AKT2: variants seen among roughly 807,000 people sequenced by gnomAD.
AKT2 encodes AKT serine/threonine kinase 2.
AKT2 carries 16 observed loss-of-function variants against 58.6 expected under a neutral mutation model. That is an observed-to-expected ratio of 0.27 (90% CI 0.18 to 0.41). AKT2 has a LOEUF of 0.41. Among genes scored for constraint, AKT2 ranks in the 10% least tolerant of loss-of-function variants. The pLI, the probability that AKT2 is intolerant of heterozygous loss-of-function variation, is 1.00. For synonymous variants in AKT2, 253 were observed against 254.0 expected, an observed-to-expected ratio of 1.00 and a Z score of 0.04; for missense variants, 438 against 661.0, an observed-to-expected ratio of 0.66 and a Z score of 3.70.
rs887224848 is a variant in AKT2, at chr19:40,231,346, A to C, written c.*2526T>G. 3 of 232,894 alleles carry C rather than the reference A, an allele frequency of 1.3e-5. No individual in the cohort carries two copies. The highest frequency in any genetic ancestry group is 2.5e-5 in the Non-Finnish European group (3 of 117,898). 14.4% of individuals were successfully genotyped at this position (232,894 alleles called of 1,614,324 possible). A position where few individuals can be genotyped will look rare whatever the true frequency, so the allele number is the denominator to read the frequency against. ...ACTCGGGGCTGGGACGAGATGGAAGAGTAAAAGGCCTTTCTTCATAGGCCT... is the reference window on the plus strand; with the variant it reads ...ACTCGGGGCTGGGACGAGATGGAAGCGTAAAAGGCCTTTCTTCATAGGCCT... On this transcript the variant is annotated 3_prime_UTR_variant, in exon 14 of 14. Coordinates refer to ENST00000392038, the MANE Select transcript of AKT2 (RefSeq NM_001626.6).
Position 40,242,257 on chromosome 19 carries a change from A to G in AKT2, c.442-188T>C. 1.1e-6 allele frequency: 1 copy of G among 943,034 alleles called. No individual in the cohort carries two copies. The highest frequency in any genetic ancestry group is 1.6e-6 in the Non-Finnish European group (1 of 618,182). 58.4% of individuals were successfully genotyped at this position (943,034 alleles called of 1,614,324 possible). On this transcript the variant is annotated intron_variant, in intron 5 of 13. Coordinates refer to ENST00000392038, the MANE Select transcript of AKT2 (RefSeq NM_001626.6). This position sits in a 1 kb window ranked among gnomAD's most constrained non-coding sequence, Gnocchi z 4.3. The stretch of plus-strand genomic sequence containing the variant: ...CCTTCAGACCAGGCTCTGCAGGCAC[A>G]GGGCCTTGGGAGGGCTGGGCTCTGA...
chr19:40,236,423 C>T, intron 9 of AKT2, 38 bp from the exon 10 acceptor site: 1 of 1,613,534 alleles, frequency 6.2e-7, no homozygotes, highest in Non-Finnish European at 8.5e-7. Context: ...TGCATGCTCC[C>T]AAGGCTTCCT....
At chr19:40,272,110 C>T (rs1314810248) in intron 1 of AKT2, among the ~76,000 whole-genome samples, 1 of 152,258 alleles carries the variant, frequency 6.6e-6, no homozygotes, top group Non-Finnish European at 1.5e-5. Context: ...CACTTTGAGG[C>T]AGACACTCCT....
Position 40,255,223 on chromosome 19 carries a change from G to A in AKT2, c.222C>T (p.Val74=). ...CTGTGGTCCACTGCAGGCAGCGTAT[G>A]ACAAAGGTGTTGGGTCGCGGCCTCT... is the stretch of plus-strand genomic sequence containing the variant. ...KTERPRPNTF[V]IRCLQWTTVI... The change falls in exon 4 of 14, where the codon GTC becomes GTT. Residue 74 remains valine (V), a synonymous_variant. Transcript: ENST00000392038. 6.2e-7 allele frequency: 1 copy of A among 1,614,154 alleles called. No individual in the cohort carries two copies. Among genetic ancestry groups the A allele is most frequent in the Non-Finnish European group, 8.5e-7 (1 of 1,179,980 alleles).
intron 3 of AKT2, among the ~76,000 whole-genome samples, chr19:40,256,336 G>A (rs543016634): frequency 6.6e-6 from 1 of 152,288 alleles, no homozygotes; most frequent in South Asian, 2.1e-4. Context: ...AATGTTCTTA[G>A]CAGGCAGAAC....
intron 4 of AKT2, among the ~76,000 whole-genome samples, chr19:40,250,565 T>C (rs1473069499): frequency 2.6e-5 from 4 of 151,550 alleles, no homozygotes; most frequent in South Asian, 2.1e-4. Flanking sequence ...CAGTGGCTCA[T>C]GGCTGTAATC....
rs780894376 is a variant in AKT2 at position 40,238,946 on chromosome 19, C to T, written c.667G>A (p.Asp223Asn). ...TACTCCATCACAAAGCACAGGCGGT[C>T]GTGGGTCTGGAAGGCATACTTCAGC... ...TALKYAFQTH[D>N]RLCFVMEYAN... Residue 223 changes from aspartate to asparagine, a missense_variant, in exon 8 of 14, where the codon GAC (aspartate) becomes AAC (asparagine). Coordinates refer to ENST00000392038, the MANE Select transcript of AKT2 (RefSeq NM_001626.6). The surrounding 1 kb of genome is among the most constrained non-coding windows in gnomAD (Gnocchi z 5.1). 6.2e-6 allele frequency: 10 copies of T among 1,613,508 alleles called. No homozygotes were observed. The South Asian group carries it at 6.6e-5, about 11-fold the overall frequency.
Position 40,231,751 on chromosome 19 carries a change from G to C in AKT2, c.*2121C>G, listed in dbSNP as rs1973713203. 1 of 233,424 alleles carries C rather than the reference G, an allele frequency of 4.3e-6. No homozygotes were observed. Among genetic ancestry groups the C allele is most frequent in the Non-Finnish European group, 8.5e-6 (1 of 118,168 alleles). The allele number at this position is 233,424 out of a possible 1,614,324, so 14.5% of individuals were successfully genotyped here. On this transcript the variant is annotated 3_prime_UTR_variant, in exon 14 of 14. Coordinates refer to ENST00000392038, the MANE Select transcript of AKT2 (RefSeq NM_001626.6). ...GGGGCCCAGACACATCCAGGCTAAA[G>C]GGCAGTGACTAGGGGAGGGCTGACC...
intron 1 of AKT2, chr19:40,282,734 T>C (rs11880261): frequency 0.74 from 245,414 of 333,054 alleles, 91,528 homozygotes; most frequent in African/African-American, 0.91. Context: ...TCTGATAAGA[T>C]GCGGTGGAAG....
Position 40,235,293 on chromosome 19 carries a change from G to A in AKT2, c.1233C>T (p.Ser411=). The change falls in exon 12 of 14, where the codon AGC becomes AGT. Residue 411 remains serine, a synonymous_variant. Transcript: ENST00000392038. The surrounding 1 kb of genome is among the most constrained non-coding windows in gnomAD (Gnocchi z 6.3). ...TCTGGACCACGTCCTGCCAGTTGAT[G>A]CTGAGGAAGAACCTGTGCTCCATGA... is the stretch of plus-strand genomic sequence containing the variant. ...KEVMEHRFFL[S]INWQDVVQKK... is the part of the protein sequence containing the mutation. 1.9e-6 allele frequency: 3 copies of A among 1,614,046 alleles called. No individual in the cohort carries two copies. The highest frequency in any genetic ancestry group is 2.5e-6 in the Non-Finnish European group (3 of 1,179,996).
rs1273180040 is a variant in AKT2, at chr19:40,237,092, CTA to C, written c.832-709_832-708del. 6.3e-6 allele frequency: 1 copy of C among 157,916 alleles called. No homozygotes were observed. Among genetic ancestry groups the C allele is most frequent in the Non-Finnish European group, 1.4e-5 (1 of 71,622 alleles). The allele number at this position is 157,916 out of a possible 1,614,324, so 9.8% of individuals were successfully genotyped here. On this transcript the variant is annotated intron_variant, in intron 9 of 13. Transcript: ENST00000392038. This position sits in a 1 kb window ranked among gnomAD's most constrained non-coding sequence, Gnocchi z 4.5. ...TGTGCGGCTTTCCCTCGACATTAGC[CTA>C]TGAGACGCGTCCACACTGTCGTGTG...
intron 10 of AKT2, 70 bp downstream of exon 10, chr19:40,236,187 A>G: frequency 1.9e-6 from 3 of 1,613,364 alleles, no homozygotes; most frequent in Non-Finnish European, 2.5e-6. Flanking sequence ...TCTGGGCTGG[A>G]AACACACAGG....
At chr19:40,254,819 A>T (rs1362833680) in intron 4 of AKT2, among the ~76,000 whole-genome samples, 2 of 151,980 alleles carry the variant, frequency 1.3e-5, no homozygotes, top group Non-Finnish European at 2.9e-5. Flanking sequence ...TTGGGCAATA[A>T]GAGCGAAACT....
At position 40,232,751 on chromosome 19, in the gene AKT2, T is replaced by C. The variant is rs999658585; in HGVS notation, c.*1121A>G. The C allele has an allele frequency of 1.3e-5, 3 of 233,436 alleles. No individual in the cohort carries two copies. Among genetic ancestry groups the C allele is most frequent in the African/African-American group, 2.2e-5 (1 of 45,312 alleles). The allele number at this position is 233,436 out of a possible 1,614,324, so 14.5% of individuals were successfully genotyped here. The stretch of plus-strand genomic sequence containing the variant: ...ACATGCACACACACCCACGTGTGCC[T>C]GCGTCCCGCCGACACACGCAGTCCG... On this transcript the variant is annotated 3_prime_UTR_variant, in exon 14 of 14. Coordinates refer to ENST00000392038, the MANE Select transcript of AKT2 (RefSeq NM_001626.6).
chr19:40,274,906 G>A, intron 1 of AKT2: 3 of 363,500 alleles, frequency 8.3e-6, no homozygotes, highest in South Asian at 6.0e-5. Context: ...AGTGGGGGAG[G>A]GGCAGCAGGT....
chr19:40,271,625 TA>T (rs2077218813), intron 1 of AKT2, among the ~76,000 whole-genome samples: 1 of 152,072 alleles, frequency 6.6e-6, no homozygotes, highest in African/African-American at 2.4e-5. Flanking sequence ...GTAAAACTCA[TA>T]AAGTGGAAAA....
In AKT2 at chr19:40,238,173, G is replaced by C. The variant is rs535280111; in HGVS notation, c.709-82C>G. ...CACCTTCCCAGCCCCCTGCCCCAGC[G>C]CAGTGATGTGGTGACACCTGTATCA... On this transcript the variant is annotated intron_variant, in intron 8 of 13. Transcript: ENST00000392038. The surrounding 1 kb of genome is among the most constrained non-coding windows in gnomAD (Gnocchi z 5.1). The C allele has an allele frequency of 4.7e-5, 71 of 1,522,514 alleles. No homozygotes were observed. Among genetic ancestry groups the C allele is most frequent in the Admixed American group, 9.8e-5 (5 of 50,764 alleles). 94.3% of individuals were successfully genotyped at this position (1,522,514 alleles called of 1,614,324 possible).
In AKT2 at chr19:40,242,475, C is replaced by G. The variant is rs1350963999; in HGVS notation, c.441+59G>C. The stretch of plus-strand genomic sequence containing the variant: ...GTTATGGAAACCAAGGAGAGCAGGC[C>G]AGCACTGGGGGTGGGGGCACCGCAG... On this transcript the variant is annotated intron_variant, in intron 5 of 13. Coordinates refer to ENST00000392038, the MANE Select transcript of AKT2 (RefSeq NM_001626.6). The surrounding 1 kb of genome is among the most constrained non-coding windows in gnomAD (Gnocchi z 4.3). The G allele has an allele frequency of 2.5e-6, 4 of 1,607,812 alleles. No individual in the cohort carries two copies. The African/African-American group carries it at 4.0e-5, about 16-fold the overall frequency.
intron 7 of AKT2, chr19:40,239,494 C>T (rs1974250673): frequency 6.5e-6 from 2 of 306,042 alleles, no homozygotes; most frequent in Non-Finnish European, 1.3e-5. Flanking sequence ...TGAGGTACCT[C>T]ATAAGATTTT....
Sources: gnomAD v4.1 joint callset for allele counts (sites outside exome capture counted in the v4.1 genomes callset) on GRCh38, gnomAD v4.1.1 for gene constraint, Gnocchi (gnomAD v3.1) non-coding constraint, MANE v1.5 for transcripts, NCBI Gene and HGNC (gene_info 2026-07-23, HGNC 2026-07-21) for gene names.